Variants in GLIS3 observed in about 807,000 individuals in gnomAD.
GLIS3 encodes GLIS family zinc finger 3, also known as zinc finger protein GLIS3.
A neutral mutation model predicts 78.6 loss-of-function variants in GLIS3; 53 were observed. The observed-to-expected ratio is 0.67, with a 90% CI of 0.54 to 0.85. The LOEUF is 0.85. GLIS3 is among the 40% of genes least tolerant of loss of function. The probability of loss-of-function intolerance (pLI) is 0.00; values close to 1 mark genes in which losing one functional copy is unlikely to be tolerated. For missense variants in GLIS3, 1,703 were observed against 1,231.1 expected (o/e 1.38, Z -5.74); for synonymous variants, 684 against 509.9 (o/e 1.34, Z -4.60).
Position 4,326,195 on chromosome 9 carries a change from C to T in GLIS3, n.265-15667G>A, listed in dbSNP as rs185582668. On this transcript the variant is annotated intron_variant and non_coding_transcript_variant, in intron 2 of 4. Transcript: ENST00000471664. ...AAACCTGCACATCCTGCACGTGTAC[C>T]CGGGAACTTAAAATAAAAGTTGAAG... Among the ~76,000 whole-genome samples the T allele has an allele frequency of 3.8e-3, 583 of 152,130 alleles. 4 individuals are homozygous for T. The highest frequency in any genetic ancestry group is 0.013 in the African/African-American group (541 of 41,474).
the GLIS3 span, among the ~76,000 whole-genome samples, chr9:4,400,724 T>G: frequency 1.3e-5 from 2 of 152,214 alleles, no homozygotes; most frequent in Non-Finnish European, 2.9e-5. Context: ...GGATACCACC[T>G]TAGCCACAGT....
chr9:4,024,838 G>C (rs1823187818), intron 4 of GLIS3, among the ~76,000 whole-genome samples: 1 of 152,134 alleles, frequency 6.6e-6, no homozygotes, highest in African/African-American at 2.4e-5. Context: ...ATTTAGATCT[G>C]TGATTCTTAG....
intron 9 of GLIS3, among the ~76,000 whole-genome samples, chr9:3,849,466 T>C (rs946855907): frequency 1.3e-5 from 2 of 152,156 alleles, no homozygotes; most frequent in African/African-American, 4.8e-5. Context: ...TGGGACAAGA[T>C]GTGTAGAATA....
intron 2 of GLIS3, among the ~76,000 whole-genome samples, chr9:4,132,546 C>T (rs1833056791): frequency 6.6e-6 from 1 of 151,634 alleles, no homozygotes; most frequent in Non-Finnish European, 1.5e-5. Context: ...GAGAAGCAAC[C>T]AACAATAACG....
At chr9:4,242,495 G>A (rs1159992397) in intron 2 of GLIS3, among the ~76,000 whole-genome samples, 5 of 152,156 alleles carry the variant, frequency 3.3e-5, no homozygotes, top group Non-Finnish European at 7.3e-5. Context: ...ACCAAACACT[G>A]ATTCCGGCTA....
chr9:4,281,786 A>C (rs566117489), intron 2 of GLIS3, among the ~76,000 whole-genome samples: 3 of 152,316 alleles, frequency 2.0e-5, no homozygotes, highest in Admixed American at 2.0e-4. Flanking sequence ...TGATGTCACC[A>C]AAAGGAACAT....
intron 2 of GLIS3, among the ~76,000 whole-genome samples, chr9:4,265,630 C>T (rs1380192003): frequency 6.6e-6 from 1 of 152,134 alleles, no homozygotes; most frequent in Non-Finnish European, 1.5e-5. Flanking sequence ...TTAATTAAGT[C>T]ACAAGAACTC....
chr9:4,116,776 C>T (rs1284164489), intron 4 of GLIS3, among the ~76,000 whole-genome samples: 1 of 152,192 alleles, frequency 6.6e-6, no homozygotes, highest in Non-Finnish European at 1.5e-5. Flanking sequence ...GCACCATACT[C>T]AATATCCAGG....
chr9:3,859,813 A>G (rs532672590), intron 8 of GLIS3, among the ~76,000 whole-genome samples: 2 of 152,048 alleles, frequency 1.3e-5, no homozygotes, highest in Non-Finnish European at 2.9e-5. Flanking sequence ...AACAGACTAG[A>G]AAAAAAAATT....
chr9:4,185,270 G>A (rs551134454), intron 2 of GLIS3, among the ~76,000 whole-genome samples: 11 of 152,288 alleles, frequency 7.2e-5, no homozygotes, highest in South Asian at 2.1e-4. Context: ...TGTCTATGAT[G>A]TAAGATGTTT....
intron 9 of GLIS3, among the ~76,000 whole-genome samples, chr9:3,839,386 G>A (rs1818576491): frequency 6.6e-6 from 1 of 152,114 alleles, no homozygotes; most frequent in African/African-American, 2.4e-5. Context: ...CTTTCTTACT[G>A]GCGGGTTCCT....
At chr9:4,183,206 G>C (rs898903136) in intron 2 of GLIS3, among the ~76,000 whole-genome samples, 3 of 152,196 alleles carry the variant, frequency 2.0e-5, no homozygotes, top group African/African-American at 7.2e-5. Context: ...CCAGGTGGTA[G>C]ATATCATAGG....
chr9:4,349,863 C>T (rs1171706750), upstream of GLIS3, among the ~76,000 whole-genome samples: 3 of 152,176 alleles, frequency 2.0e-5, no homozygotes, highest in Non-Finnish European at 4.4e-5. Context: ...GGTCATTAGC[C>T]TTCAGTTTAT....
intron 1 of GLIS3, among the ~76,000 whole-genome samples, chr9:4,295,373 G>A (rs1274512754): frequency 6.6e-6 from 1 of 152,126 alleles, no homozygotes; most frequent in Non-Finnish European, 1.5e-5. Flanking sequence ...CTTCAGTTTG[G>A]TTAGTGTTTT....
At chr9:4,324,279 C>G (rs964721070) in intron 2 of GLIS3, among the ~76,000 whole-genome samples, 2 of 152,148 alleles carry the variant, frequency 1.3e-5, no homozygotes. Flanking sequence ...AGGCTGAGAG[C>G]TTAGGATGCT....
At chr9:4,458,657 G>A in the GLIS3 span, among the ~76,000 whole-genome samples, 47 of 152,108 alleles carry the variant, frequency 3.1e-4, no homozygotes, top group Admixed American at 8.5e-4. Context: ...GCATGGTGGC[G>A]CACGTCTGTA....
the GLIS3 span, among the ~76,000 whole-genome samples, chr9:4,402,883 A>C: frequency 6.6e-6 from 1 of 152,218 alleles, no homozygotes; most frequent in South Asian, 2.1e-4. Context: ...AGCTAGAAAT[A>C]GGGGTAGAAA....
chr9:3,872,832 A>T, intron 8 of GLIS3, among the ~76,000 whole-genome samples: 1 of 152,230 alleles, frequency 6.6e-6, no homozygotes, highest in Admixed American at 6.5e-5. Flanking sequence ...AAGTAGAAAG[A>T]TTACAAATAA....
At chr9:4,375,614 C>T in the GLIS3 span, among the ~76,000 whole-genome samples, 3 of 152,134 alleles carry the variant, frequency 2.0e-5, no homozygotes, top group African/African-American at 4.8e-5. Flanking sequence ...TAAAAAGTAA[C>T]AACTAAGTAG....
Sources: gnomAD v4.1 joint callset for allele counts (sites outside exome capture counted in the v4.1 genomes callset) on GRCh38, gnomAD v4.1.1 for gene constraint, MANE v1.5 for transcripts, NCBI Gene and HGNC (gene_info 2026-07-23, HGNC 2026-07-21) for gene names.